MYO16: variants seen among roughly 807,000 people sequenced by gnomAD.
MYO16 encodes the protein unconventional myosin-XVI.
A neutral mutation model predicts 205.3 loss-of-function variants in MYO16; 94 were observed. The observed-to-expected ratio is 0.46, with a 90% CI of 0.39 to 0.54. The LOEUF (loss-of-function observed/expected upper bound fraction) is 0.54, where lower values mean the gene tolerates loss of function less well. MYO16 is among the 20% of genes least tolerant of loss of function. The pLI, the probability that MYO16 is intolerant of heterozygous loss-of-function variation, is 0.00. For synonymous variants in MYO16, 988 were observed against 954.0 expected (o/e 1.04, Z -0.66); for missense variants, 2,315 against 2,387.5 (o/e 0.97, Z 0.63).
At position 108,763,197 on chromosome 13, in the gene MYO16, G is replaced by T. The variant is rs370239551; in HGVS notation, c.508-22438G>T. Among the ~76,000 whole-genome samples, 9 of 152,164 alleles carry T rather than the reference G, an allele frequency of 5.9e-5. No individual in the cohort carries two copies. The East Asian group carries it at 1.3e-3, about 23-fold the overall frequency. ...TACAGGAGTAACAAGGGAACAAGGT[G>T]CCTGTCTTAAACATTGATATACTTA... is the stretch of plus-strand genomic sequence containing the variant. On this transcript the variant is annotated intron_variant, in intron 4 of 34. Transcript: ENST00000457511.
At chr13:108,711,856 G>A (rs758735194) in intron 2 of MYO16, among the ~76,000 whole-genome samples, 5 of 152,206 alleles carry the variant, frequency 3.3e-5, no homozygotes, top group Non-Finnish European at 5.9e-5. Context: ...TTAATTTTGT[G>A]TGTGTGGAAA....
intron 32 of MYO16, among the ~76,000 whole-genome samples, chr13:109,157,961 C>T (rs761605720): frequency 2.6e-5 from 4 of 152,146 alleles, no homozygotes; most frequent in Non-Finnish European, 5.9e-5. Flanking sequence ...TTCTTTCGGA[C>T]GAATATTTCT....
Position 108,605,369 on chromosome 13 carries a change from A to G in MYO16, c.-39+9130A>G, listed in dbSNP as rs1022001615. 1.2e-4 allele frequency among the ~76,000 whole-genome samples: 18 copies of G among 152,152 alleles called. No homozygotes were observed. In the South Asian group the frequency reaches 2.1e-3, roughly 18 times the overall value. ...CCTTCCAATGTCCAAGTATCCTGCA[A>G]TGTTGCAGGGTACTGATATGGTCTG... On this transcript the variant is annotated intron_variant, in intron 1 of 24. Coordinates refer to the MYO16 transcript ENST00000251041.
chr13:108,740,413 T>C (rs758932835), intron 4 of MYO16, among the ~76,000 whole-genome samples: 1 of 152,332 alleles, frequency 6.6e-6, no homozygotes, highest in East Asian at 1.9e-4. Context: ...CAGACCCTAT[T>C]TGCCTGGGTA....
intron 27 of MYO16, among the ~76,000 whole-genome samples, chr13:109,073,004 T>C (rs538496474): frequency 5.1e-4 from 78 of 152,354 alleles, no homozygotes; most frequent in African/African-American, 1.6e-3. Context: ...ATAGACTACA[T>C]TAGGATATTC....
chr13:109,165,796 A>G (rs1480587968), intron 33 of MYO16, among the ~76,000 whole-genome samples: 1 of 152,196 alleles, frequency 6.6e-6, no homozygotes, highest in Non-Finnish European at 1.5e-5. Flanking sequence ...GAAGGCAGCT[A>G]AGAAGTCAAG....
chr13:108,708,693 TG>T (rs1883607924), intron 2 of MYO16, among the ~76,000 whole-genome samples: 1 of 152,238 alleles, frequency 6.6e-6, no homozygotes, highest in African/African-American at 2.4e-5. Flanking sequence ...CAAGAGCCAC[TG>T]TGGTGGAGAT....
At chr13:108,740,009 A>G (rs554034993) in intron 4 of MYO16, among the ~76,000 whole-genome samples, 1 of 151,868 alleles carries the variant, frequency 6.6e-6, no homozygotes, top group African/African-American at 2.4e-5. Flanking sequence ...GGACTTCTGT[A>G]CACTGGTTAT....
chr13:109,156,855 C>G (rs1326541456), intron 32 of MYO16, among the ~76,000 whole-genome samples: 2 of 152,200 alleles, frequency 1.3e-5, no homozygotes, highest in African/African-American at 2.4e-5. Flanking sequence ...TCCTCACACT[C>G]GAGAGTGTCT....
intron 28 of MYO16, among the ~76,000 whole-genome samples, chr13:109,108,766 C>T (rs1305097179): frequency 6.6e-6 from 1 of 152,124 alleles, no homozygotes; most frequent in Non-Finnish European, 1.5e-5. Flanking sequence ...CTGGGAGGGT[C>T]ACATGCAGGC....
At chr13:108,814,232 T>C (rs1594314977) in intron 7 of MYO16, among the ~76,000 whole-genome samples, 1 of 152,182 alleles carries the variant, frequency 6.6e-6, no homozygotes, top group East Asian at 1.9e-4. Flanking sequence ...TTAGACTCTC[T>C]GATACTCTAA....
At chr13:108,959,252 C>T (rs907943437) in intron 17 of MYO16, among the ~76,000 whole-genome samples, 2 of 151,888 alleles carry the variant, frequency 1.3e-5, no homozygotes, top group African/African-American at 4.8e-5. Context: ...TTACTGAGTC[C>T]TACCCACTGG....
At chr13:108,927,335 T>C (rs971755071) in intron 16 of MYO16, among the ~76,000 whole-genome samples, 2 of 152,174 alleles carry the variant, frequency 1.3e-5, no homozygotes, top group African/African-American at 4.8e-5. Context: ...AAATGAGTGA[T>C]TTTTCAACAT....
intron 1 of MYO16, among the ~76,000 whole-genome samples, chr13:108,599,985 A>G (rs1878706738): frequency 6.6e-6 from 1 of 152,266 alleles, no homozygotes. Context: ...TTGGCCATCT[A>G]TTTGCACAGT....
chr13:108,959,827 T>C (rs1883513559), intron 17 of MYO16, among the ~76,000 whole-genome samples: 1 of 152,054 alleles, frequency 6.6e-6, no homozygotes, highest in Non-Finnish European at 1.5e-5. Flanking sequence ...TGTCATAGGG[T>C]CCACCACACT....
intron 34 of MYO16, among the ~76,000 whole-genome samples, chr13:109,187,282 G>T (rs1461407064): frequency 6.6e-6 from 1 of 152,102 alleles, no homozygotes; most frequent in African/African-American, 2.4e-5. Flanking sequence ...TGTTTTCTTG[G>T]TCGGTTTAGC....
chr13:109,164,633 T>C (rs1268057597), intron 32 of MYO16, among the ~76,000 whole-genome samples: 1 of 152,218 alleles, frequency 6.6e-6, no homozygotes, highest in Non-Finnish European at 1.5e-5. Context: ...AATGACAAGT[T>C]ATTTGATCTA....
chr13:109,073,152 A>T (rs1394556534), intron 27 of MYO16, among the ~76,000 whole-genome samples: 1 of 149,736 alleles, frequency 6.7e-6, no homozygotes, highest in East Asian at 2.0e-4. Flanking sequence ...CCCAGGCTGC[A>T]GTGTAGTGGC....
intron 4 of MYO16, among the ~76,000 whole-genome samples, chr13:108,784,232 G>GTTTT (rs138425926): frequency 6.7e-6 from 1 of 149,124 alleles, no homozygotes; most frequent in Non-Finnish European, 1.5e-5. Context: ...TGAAGTCAGG[G>GTTTT]TTTTTTTTTT....
Sources: gnomAD v4.1 joint callset for allele counts (sites outside exome capture counted in the v4.1 genomes callset) on GRCh38, gnomAD v4.1.1 for gene constraint, MANE v1.5 for transcripts, NCBI Gene and HGNC (gene_info 2026-07-23, HGNC 2026-07-21) for gene names.